The following MINDY4B variants were observed in gnomAD, a reference collection of about 807,000 sequenced individuals.
MINDY4B encodes inactive ubiquitin carboxyl-terminal hydrolase MINDY-4B.
MINDY4B carries 25 observed loss-of-function variants against 16.7 expected under a neutral mutation model. The ratio of observed to expected loss-of-function variants is 1.49; its 90% CI spans 1.09 to 2.09. MINDY4B has a LOEUF of 2.09. MINDY4B is among the 30% of genes most tolerant of loss of function. MINDY4B has a pLI of 0.00. For synonymous variants in MINDY4B, 132 were observed against 61.9 expected (o/e 2.13, Z -5.32); for missense variants, 327 against 168.4 (o/e 1.94, Z -5.21).
intron 5 of MINDY4B, among the ~76,000 whole-genome samples, chr3:150,891,491 G>A (rs913553042): frequency 2.4e-5 from 3 of 127,542 alleles, no homozygotes; most frequent in South Asian, 2.9e-4. Flanking sequence ...GTCAGGCACC[G>A]TGGCTCATGC....
chr3:150,889,920 C>G (rs561040286), intron 7 of MINDY4B, among the ~76,000 whole-genome samples: 11 of 152,254 alleles, frequency 7.2e-5, no homozygotes, highest in African/African-American at 2.4e-4. Flanking sequence ...TTCAAGAAGC[C>G]AATTACTTGG....
intron 3 of MINDY4B, among the ~76,000 whole-genome samples, chr3:150,897,321 CTGTGTGTGTGTGTGTGTGTGTGTG>C (rs3062408): frequency 4.6e-5 from 6 of 130,500 alleles, no homozygotes; most frequent in East Asian, 2.3e-4. Context: ...GTGACTGGAA[CTGTGTGTGTGTGTGTGTGTGTGTG>C]TGTGTGTGTG....
At chr3:150,888,822 T>C (rs889260205) in intron 7 of MINDY4B, among the ~76,000 whole-genome samples, 2 of 152,164 alleles carry the variant, frequency 1.3e-5, no homozygotes, top group African/African-American at 4.8e-5. Context: ...TCTGATCCTC[T>C]GATCTCAACC....
At chr3:150,888,250 G>A (rs1711680696) in intron 7 of MINDY4B, among the ~76,000 whole-genome samples, 1 of 152,086 alleles carries the variant, frequency 6.6e-6, no homozygotes, top group Admixed American at 6.5e-5. Flanking sequence ...ATCACATGGT[G>A]TTCTTCCATG....
At chr3:150,902,788 ACTGTTT>A (rs1712148928) in intron 3 of MINDY4B, among the ~76,000 whole-genome samples, 1 of 152,088 alleles carries the variant, frequency 6.6e-6, no homozygotes, top group Non-Finnish European at 1.5e-5. Context: ...GCCCCAGAAA[ACTGTTT>A]CTTTCTTGAG....
chr3:150,888,652 A>G (rs563825529), intron 7 of MINDY4B, among the ~76,000 whole-genome samples: 39 of 152,220 alleles, frequency 2.6e-4, no homozygotes, highest in African/African-American at 8.9e-4. Flanking sequence ...AGCTCCCCTC[A>G]CTCAGGAAAT....
chr3:150,895,488 CAG>C (rs749007793), intron 3 of MINDY4B, among the ~76,000 whole-genome samples: 3 of 152,002 alleles, frequency 2.0e-5, no homozygotes, highest in Non-Finnish European at 4.4e-5. Flanking sequence ...TGTTTTGAGA[CAG>C]AGTCTCGCTC....
chr3:150,886,355 T>C (rs1161045496), intron 7 of MINDY4B, among the ~76,000 whole-genome samples: 1 of 152,238 alleles, frequency 6.6e-6, no homozygotes, highest in Non-Finnish European at 1.5e-5. Flanking sequence ...CGTTTTGCTA[T>C]GTGTGACCTG....
Position 150,883,805 on chromosome 3 carries a change from CAG to C in MINDY4B, c.825-35_825-34del, listed in dbSNP as rs901547988. On this transcript the variant is annotated intron_variant, in intron 8 of 11. Coordinates refer to ENST00000465419, the MANE Select transcript of MINDY4B (RefSeq NM_001351281.2). ...GTGGGAGAAGCCATCAGCATCCAGT[CAG>C]AGACAGTGCACCGGGAGCCTGCAGC... 85 of 701,684 alleles carry C rather than the reference CAG, an allele frequency of 1.2e-4. No individual in the cohort carries two copies. The African/African-American group carries it at 1.3e-3, about 11-fold the overall frequency. The allele number at this position is 701,684 out of a possible 1,614,324, so 43.5% of individuals were successfully genotyped here.
chr3:150,901,862 C>A (rs1331768174), intron 3 of MINDY4B, among the ~76,000 whole-genome samples: 1 of 152,034 alleles, frequency 6.6e-6, no homozygotes, highest in Non-Finnish European at 1.5e-5. Context: ...GCAAGTGAGG[C>A]CTCCCAGTGC....
chr3:150,882,616 A>G (rs953504651), intron 10 of MINDY4B, among the ~76,000 whole-genome samples: 2 of 151,298 alleles, frequency 1.3e-5, no homozygotes, highest in Non-Finnish European at 1.5e-5. Flanking sequence ...TTAAACAGGG[A>G]TATCTGTATA....
chr3:150,884,653 C>T (rs550066163), intron 8 of MINDY4B, among the ~76,000 whole-genome samples: 176 of 152,104 alleles, frequency 1.2e-3, no homozygotes, highest in Non-Finnish European at 2.0e-3. Context: ...AATGTGATGG[C>T]GGTATATAAA....
At chr3:150,886,536 A>G (rs891263571) in intron 7 of MINDY4B, among the ~76,000 whole-genome samples, 11 of 152,230 alleles carry the variant, frequency 7.2e-5, no homozygotes, top group Non-Finnish European at 1.6e-4. Context: ...TTGGTGGCTT[A>G]AAACAACACG....
chr3:150,882,592 A>G (rs956605859), intron 10 of MINDY4B, among the ~76,000 whole-genome samples: 2 of 138,748 alleles, frequency 1.4e-5, no homozygotes, highest in African/African-American at 5.4e-5. Flanking sequence ...ATATATATAT[A>G]TTTGTCAACC....
intron 7 of MINDY4B, among the ~76,000 whole-genome samples, chr3:150,885,949 G>T (rs976113493): frequency 5.3e-5 from 8 of 152,170 alleles, no homozygotes; most frequent in African/African-American, 1.7e-4. Context: ...AGGATAAAAA[G>T]AACTTTTCTC....
chr3:150,885,461 G>GAAAAGC (rs57919280), intron 7 of MINDY4B, 23 bp from the exon 8 acceptor site: 376,626 of 698,912 alleles, frequency 0.54, 105,818 homozygotes, highest in South Asian at 0.62. Flanking sequence ...GAAAAGAAAA[G>GAAAAGC]CATGTTGGTC....
chr3:150,894,108 C>T (rs1241782030), intron 4 of MINDY4B, 78 bp downstream of exon 4: 2 of 567,162 alleles, frequency 3.5e-6, no homozygotes, highest in Non-Finnish European at 6.2e-6. Context: ...CATGCATTTA[C>T]ATGGATGTGG....
intron 3 of MINDY4B, among the ~76,000 whole-genome samples, chr3:150,899,164 C>G (rs1236025827): frequency 6.6e-6 from 1 of 152,164 alleles, no homozygotes; most frequent in Non-Finnish European, 1.5e-5. Flanking sequence ...TTTTAAAGTT[C>G]TAATTTGGCT....
In MINDY4B at chr3:150,904,940, G is replaced by A. The variant is rs142567878; in HGVS notation, c.141+122C>T. Reference sequence around the variant, plus strand: ...AGGCTTTCTAGTTTTATGTTTTCACGCGTTAAATGCCAGTGCCTGAGTGAC... The same window carrying A: ...AGGCTTTCTAGTTTTATGTTTTCACACGTTAAATGCCAGTGCCTGAGTGAC... On this transcript the variant is annotated intron_variant, in intron 2 of 11. Coordinates refer to ENST00000465419, the MANE Select transcript of MINDY4B (RefSeq NM_001351281.2). 7.1e-4 allele frequency: 281 copies of A among 397,356 alleles called. 3 individuals are homozygous for A. Among genetic ancestry groups the A allele is most frequent in the African/African-American group, 4.8e-3 (235 of 48,678 alleles). The allele number at this position is 397,356 out of a possible 1,614,324, so 24.6% of individuals were successfully genotyped here.
Sources: allele counts gnomAD v4.1 joint callset (sites outside exome capture counted in the v4.1 genomes callset), GRCh38; gene constraint gnomAD v4.1.1; transcripts MANE v1.5; gene names NCBI Gene and HGNC (gene_info 2026-07-23, HGNC 2026-07-21).